Variants in CHRM3 observed in about 807,000 individuals in gnomAD.
CHRM3 encodes the protein muscarinic acetylcholine receptor M3.
A neutral mutation model predicts 41.8 loss-of-function variants in CHRM3; 11 were observed. The ratio of observed to expected loss-of-function variants is 0.26; its 90% CI spans 0.17 to 0.44. The LOEUF (loss-of-function observed/expected upper bound fraction) is 0.44, where lower values mean the gene tolerates loss of function less well. CHRM3 is among the 20% of genes least tolerant of loss of function. The probability of loss-of-function intolerance (pLI) is 1.00; values close to 1 mark genes in which losing one functional copy is unlikely to be tolerated. For synonymous variants in CHRM3, 297 were observed against 301.4 expected (o/e 0.99, Z 0.15); for missense variants, 571 against 745.4 (o/e 0.77, Z 2.72).
intron 6 of CHRM3, among the ~76,000 whole-genome samples, chr1:239,847,783 T>C (rs1558175950): frequency 6.6e-6 from 1 of 151,860 alleles, no homozygotes; most frequent in Non-Finnish European, 1.5e-5. Flanking sequence ...GTGTTGGTGG[T>C]GCATGCCTGT....
intron 2 of CHRM3, among the ~76,000 whole-genome samples, chr1:239,515,658 G>A (rs1239266311): frequency 6.6e-6 from 1 of 152,090 alleles, no homozygotes; most frequent in East Asian, 1.9e-4. Flanking sequence ...AAGTGACAAT[G>A]CATTTAACTC....
chr1:239,881,387 G>A (rs1677623551), intron 6 of CHRM3, among the ~76,000 whole-genome samples: 1 of 151,718 alleles, frequency 6.6e-6, no homozygotes, highest in Non-Finnish European at 1.5e-5. Context: ...GAAAGTGGGT[G>A]AGGGGAAAAG....
intron 5 of CHRM3, among the ~76,000 whole-genome samples, chr1:239,713,042 C>A (rs931896915): frequency 6.6e-6 from 1 of 152,118 alleles, no homozygotes; most frequent in African/African-American, 2.4e-5. Context: ...TCCACACGGG[C>A]AACACAAACA....
rs1669610098 is a variant in CHRM3, at chr1:239,794,496, A to T, written c.-146-32756A>T. Among the ~76,000 whole-genome samples the T allele has an allele frequency of 1.3e-5, 2 of 151,528 alleles. 1 individual carries two copies. Among genetic ancestry groups the T allele is most frequent in the African/African-American group, 4.9e-5 (2 of 41,178 alleles). ...AATGGATGATTCAGTAACATTCAAG[A>T]TTTCAGCCATTAGAGCAAGATGAAT... On this transcript the variant is annotated intron_variant, in intron 5 of 6. Transcript: ENST00000676153.
chr1:239,442,814 T>C (rs1663833661), intron 1 of CHRM3, among the ~76,000 whole-genome samples: 2 of 152,172 alleles, frequency 1.3e-5, no homozygotes, highest in Non-Finnish European at 2.9e-5. Flanking sequence ...CACTAGGAGC[T>C]CAAGTAGCGT....
intron 6 of CHRM3, among the ~76,000 whole-genome samples, chr1:239,851,210 C>G (rs1674669926): frequency 6.6e-6 from 1 of 152,090 alleles, no homozygotes; most frequent in South Asian, 2.1e-4. Flanking sequence ...AATCATTGGT[C>G]TCAGAAATTA....
At chr1:239,764,652 C>G (rs968611894) in intron 5 of CHRM3, among the ~76,000 whole-genome samples, 2 of 152,172 alleles carry the variant, frequency 1.3e-5, no homozygotes, top group South Asian at 2.1e-4. Flanking sequence ...CTGCTGTTGT[C>G]CATAACAGAA....
chr1:239,733,735 T>TA (rs1182339743), intron 5 of CHRM3, among the ~76,000 whole-genome samples: 1 of 152,070 alleles, frequency 6.6e-6, no homozygotes, highest in African/African-American at 2.4e-5. Context: ...AGCTGTTGCT[T>TA]AATGTATGGC....
At chr1:239,592,100 G>A (rs1454073018) in intron 3 of CHRM3, among the ~76,000 whole-genome samples, 1 of 152,194 alleles carries the variant, frequency 6.6e-6, no homozygotes, top group African/African-American at 2.4e-5. Context: ...CTTTCTGTAA[G>A]AGGAGCTTAT....
chr1:239,643,317 A>T (rs1671402086), intron 4 of CHRM3, among the ~76,000 whole-genome samples: 1 of 152,164 alleles, frequency 6.6e-6, no homozygotes, highest in African/African-American at 2.4e-5. Context: ...AGGGACATTT[A>T]AGTCTGCAGT....
At chr1:239,475,064 C>CAT (rs1344085280) in intron 1 of CHRM3, among the ~76,000 whole-genome samples, 1 of 151,702 alleles carries the variant, frequency 6.6e-6, no homozygotes, top group Non-Finnish European at 1.5e-5. Context: ...AAGTACCAGA[C>CAT]ATATATATAC....
At chr1:239,449,435 C>A (rs1572344298) in intron 1 of CHRM3, among the ~76,000 whole-genome samples, 1 of 152,000 alleles carries the variant, frequency 6.6e-6, no homozygotes, top group Admixed American at 6.6e-5. Context: ...ATTAAACTTG[C>A]AAGGGAGGTG....
At chr1:239,404,719 A>AATATATATT (rs1553293649) in intron 1 of CHRM3, among the ~76,000 whole-genome samples, 2 of 97,354 alleles carry the variant, frequency 2.1e-5, no homozygotes, top group East Asian at 6.4e-4. Flanking sequence ...GCTATATCTA[A>AATATATATT]ATATATATAT....
rs151119161 is a variant in CHRM3 at position 239,437,694 on chromosome 1, C to A, written c.-521+50467C>A. Among the ~76,000 whole-genome samples, 107 of 152,114 alleles carry A rather than the reference C, an allele frequency of 7.0e-4. 1 individual carries two copies. The highest frequency in any genetic ancestry group is 2.4e-3 in the African/African-American group (100 of 41,502). On this transcript the variant is annotated intron_variant, in intron 1 of 6. Coordinates refer to ENST00000676153, the MANE Select transcript of CHRM3 (RefSeq NM_001375978.1). Reference sequence around the variant, plus strand: ...TGGGATTACAAGCATGCATCACACCCTCTTATTGGGCCTGTGCACACCATT... The same window carrying A: ...TGGGATTACAAGCATGCATCACACCATCTTATTGGGCCTGTGCACACCATT...
rs10925951 is a variant in CHRM3 at position 239,684,079 on chromosome 1, C to T, written c.-147+5791C>T. Among the ~76,000 whole-genome samples, 567 of 152,268 alleles carry T rather than the reference C, an allele frequency of 3.7e-3. 5 individuals are homozygous for T. The highest frequency in any genetic ancestry group is 0.013 in the African/African-American group (543 of 41,548). On this transcript the variant is annotated intron_variant, in intron 5 of 6. Transcript: ENST00000676153. ...ATTTAGGATTCCTAACCCATATTCCCGTGTGGGAGAAGATTTTTTAAACAA... is the reference window on the plus strand; with the variant it reads ...ATTTAGGATTCCTAACCCATATTCCTGTGTGGGAGAAGATTTTTTAAACAA...
chr1:239,589,182 C>T (rs1663786115), intron 3 of CHRM3, among the ~76,000 whole-genome samples: 1 of 152,108 alleles, frequency 6.6e-6, no homozygotes, highest in African/African-American at 2.4e-5. Flanking sequence ...GATCCGCCCT[C>T]CTCAGCCTCC....
At chr1:239,551,256 G>A (rs904752750) in intron 3 of CHRM3, among the ~76,000 whole-genome samples, 6 of 138,400 alleles carry the variant, frequency 4.3e-5, no homozygotes, top group African/African-American at 1.4e-4. Flanking sequence ...TCCACCTCCC[G>A]GGTTCAAGTG....
chr1:239,534,122 G>A (rs967396985), intron 2 of CHRM3, among the ~76,000 whole-genome samples: 2 of 152,148 alleles, frequency 1.3e-5, no homozygotes, highest in African/African-American at 4.8e-5. Context: ...GAGGTCAGGA[G>A]TTCGAGACCA....
intron 6 of CHRM3, among the ~76,000 whole-genome samples, chr1:239,879,502 C>A (rs1677407279): frequency 6.6e-6 from 1 of 152,212 alleles, no homozygotes. Context: ...ATCCATAAAT[C>A]TGTCAGGTGT....
Sources: gnomAD v4.1 joint callset for allele counts (sites outside exome capture counted in the v4.1 genomes callset) on GRCh38, gnomAD v4.1.1 for gene constraint, MANE v1.5 for transcripts, NCBI Gene and HGNC (gene_info 2026-07-23, HGNC 2026-07-21) for gene names.